SLC6A16: variants seen among roughly 807,000 people sequenced by gnomAD.
SLC6A16 encodes solute carrier family 6 member 16.
Under a neutral mutation model 65.4 loss-of-function variants are expected in SLC6A16, and 54 were observed. The ratio of observed to expected loss-of-function variants is 0.83; its 90% confidence interval spans 0.66 to 1.04. The LOEUF (loss-of-function observed/expected upper bound fraction) is 1.04, where lower values mean the gene tolerates loss of function less well. SLC6A16 is among the 50% of genes least tolerant of loss of function. The probability of loss-of-function intolerance (pLI) is 0.00; values close to 1 mark genes in which losing one functional copy is unlikely to be tolerated. For synonymous variants in SLC6A16, 330 were observed against 346.5 expected (o/e 0.95, Z 0.53); for missense variants, 816 against 914.0 (o/e 0.89, Z 1.38).
At chr19:49,323,658 G>C (rs1970752180) in intron 1 of SLC6A16, among the ~76,000 whole-genome samples, 1 of 152,156 alleles carries the variant, frequency 6.6e-6, no homozygotes, top group Non-Finnish European at 1.5e-5. Context: ...AAACTACAAT[G>C]AGATAATACC....
intron 7 of SLC6A16, among the ~76,000 whole-genome samples, chr19:49,298,958 G>A (rs1323087211): frequency 6.6e-6 from 1 of 152,204 alleles, no homozygotes; most frequent in Non-Finnish European, 1.5e-5. Context: ...CATAGGAATA[G>A]AAAACCTGCC....
chr19:49,320,218 G>A (rs1238619927), intron 1 of SLC6A16, among the ~76,000 whole-genome samples: 1 of 152,096 alleles, frequency 6.6e-6, no homozygotes, highest in Non-Finnish European at 1.5e-5. Context: ...AGACCAGCTT[G>A]ACCTACATAG....
At chr19:49,296,551 T>C (rs186995587) in intron 7 of SLC6A16, among the ~76,000 whole-genome samples, 1 of 152,318 alleles carries the variant, frequency 6.6e-6, no homozygotes, top group Admixed American at 6.5e-5. Context: ...AGGATAGTCT[T>C]ATTAACAAAT....
chr19:49,297,134 C>T (rs909625246), intron 7 of SLC6A16, among the ~76,000 whole-genome samples: 20 of 151,862 alleles, frequency 1.3e-4, no homozygotes, highest in African/African-American at 4.8e-4. Flanking sequence ...AAAGACAAAC[C>T]CCAGAATGAG....
At position 49,290,102 on chromosome 19, in the gene SLC6A16, T is replaced by C. The variant is rs369100442; in HGVS notation, c.*21A>G. The C allele has an allele frequency of 5.6e-6, 9 of 1,610,044 alleles. No individual in the cohort carries two copies. The highest frequency in any genetic ancestry group is 2.2e-5 in the East Asian group (1 of 44,868). On this transcript the variant is annotated 3_prime_UTR_variant, in exon 12 of 12. Transcript: ENST00000335875. ...TGGATCTGTTCTAAGGGATATGTTA[T>C]GTGAAGCCAAATTAATGAAGTTAGG...
intron 1 of SLC6A16, among the ~76,000 whole-genome samples, chr19:49,322,872 G>GAA (rs1421016525): frequency 2.3e-5 from 2 of 88,220 alleles, no homozygotes; most frequent in Non-Finnish European, 4.0e-5. Context: ...TGCAGAAATA[G>GAA]AAAAACACGT....
At position 49,310,054 on chromosome 19, in the gene SLC6A16, TTCA is replaced by T. The variant is rs761978054; in HGVS notation, c.683_685del (p.Met228del). The T allele has an allele frequency of 6.2e-7, 1 of 1,613,920 alleles. No homozygotes were observed. Among genetic ancestry groups the T allele is most frequent in the Admixed American group, 1.7e-5 (1 of 59,986 alleles). On this transcript the variant is annotated inframe_deletion, in exon 4 of 12. Transcript: ENST00000335875. ...TTCCTCCTCACCAAAGCCACTAGAG[TTCA>T]TCGTTAAGGGACATTTCTCCCATGG...
the SLC6A16 span, among the ~76,000 whole-genome samples, chr19:49,334,702 C>T: frequency 6.6e-6 from 1 of 150,536 alleles, no homozygotes; most frequent in South Asian, 2.1e-4. Context: ...TACAACACTC[C>T]CACTCCATAG....
intron 9 of SLC6A16, among the ~76,000 whole-genome samples, 155 bp downstream of exon 9, chr19:49,293,672 G>A (rs1970125099): frequency 6.6e-6 from 1 of 152,136 alleles, no homozygotes; most frequent in Non-Finnish European, 1.5e-5. Context: ...GCTGAGGTGG[G>A]AGGATCACTT....
At chr19:49,319,496 CAT>C (rs1491481313) in intron 1 of SLC6A16, among the ~76,000 whole-genome samples, 4 of 150,048 alleles carry the variant, frequency 2.7e-5, no homozygotes, top group East Asian at 3.9e-4. Context: ...TATACTTATA[CAT>C]ATATGTGTAT....
rs1172072301 is a variant in SLC6A16 at position 49,292,850 on chromosome 19, A to G, written c.1778+373T>C. ...GTCGTATGTGACTTGGTGCCCACAC[A>G]CACTCCCACTATGTGCCATCTGACC... is the stretch of plus-strand genomic sequence containing the variant. On this transcript the variant is annotated intron_variant, in intron 10 of 11. Coordinates refer to ENST00000335875, the MANE Select transcript of SLC6A16 (RefSeq NM_014037.3). This position sits in a 1 kb window ranked among gnomAD's most constrained non-coding sequence, Gnocchi z 4.3. Among the ~76,000 whole-genome samples the G allele has an allele frequency of 6.6e-6, 1 of 152,148 alleles. No homozygotes were observed. The highest frequency in any genetic ancestry group is 1.5e-5 in the Non-Finnish European group (1 of 68,032).
At chr19:49,325,933 G>A (rs1600659397), upstream of SLC6A16, among the ~76,000 whole-genome samples, 1 of 152,198 alleles carries the variant, frequency 6.6e-6, no homozygotes, top group African/African-American at 2.4e-5. Context: ...GGAGGCCAAG[G>A]CGGGTGGATC....
Position 49,292,290 on chromosome 19 carries a change from C to T in SLC6A16, c.1778+933G>A, listed in dbSNP as rs1970092913. 6.6e-6 allele frequency among the ~76,000 whole-genome samples: 1 copy of T among 152,050 alleles called. No individual in the cohort carries two copies. Among genetic ancestry groups the T allele is most frequent in the Non-Finnish European group, 1.5e-5 (1 of 67,998 alleles). Reference sequence around the variant, plus strand: ...GCTGAGGGAGGAGAATTGCTTGAACCCGGGAGGCGGAGGTTGCAGTGAGCT... The same window carrying T: ...GCTGAGGGAGGAGAATTGCTTGAACTCGGGAGGCGGAGGTTGCAGTGAGCT... On this transcript the variant is annotated intron_variant, in intron 10 of 11. Coordinates refer to ENST00000335875, the MANE Select transcript of SLC6A16 (RefSeq NM_014037.3). The surrounding 1 kb of genome is among the most constrained non-coding windows in gnomAD (Gnocchi z 4.3).
chr19:49,317,663 G>A (rs1001370323), intron 1 of SLC6A16, among the ~76,000 whole-genome samples: 4 of 151,564 alleles, frequency 2.6e-5, no homozygotes, highest in East Asian at 3.9e-4. Context: ...AAAATTAGCC[G>A]GGCATGGTGG....
At chr19:49,327,168 G>T (rs976568997), upstream of SLC6A16, among the ~76,000 whole-genome samples, 3 of 151,966 alleles carry the variant, frequency 2.0e-5, no homozygotes, top group African/African-American at 7.3e-5. Flanking sequence ...CTGCCTCCCG[G>T]GTTCAAGCAA....
In SLC6A16 at chr19:49,309,636, A is replaced by G. The variant is rs749046367; in HGVS notation, c.876+15T>C. ...GCATCTGAGAATTTCAAGGAATCCA[A>G]TACTGGTGGCTCACCTTCCCAGTGG... On this transcript the variant is annotated intron_variant, in intron 5 of 11. Transcript: ENST00000335875. The G allele has an allele frequency of 6.8e-6, 11 of 1,608,852 alleles. No individual in the cohort carries two copies. Among genetic ancestry groups the G allele is most frequent in the Non-Finnish European group, 8.5e-6 (10 of 1,175,442 alleles).
At chr19:49,337,027 G>T in the SLC6A16 span, 1 of 1,613,328 alleles carries the variant, frequency 6.2e-7, no homozygotes, top group Non-Finnish European at 8.5e-7. Flanking sequence ...GCTGCCTCCT[G>T]GGCCTGGTGA....
chr19:49,336,523 A>C, the SLC6A16 span: 64 of 183,996 alleles, frequency 3.5e-4, no homozygotes, highest in Admixed American at 2.2e-3. Flanking sequence ...ACATCACTGC[A>C]CTCCAGCCTG....
chr19:49,328,682 G>A (rs1970821006), upstream of SLC6A16, among the ~76,000 whole-genome samples: 1 of 152,198 alleles, frequency 6.6e-6, no homozygotes. Context: ...GAAAGATAAA[G>A]TCTATTTCCC....
Sources: allele counts gnomAD v4.1 joint callset (sites outside exome capture counted in the v4.1 genomes callset), GRCh38; gene constraint gnomAD v4.1.1; non-coding constraint Gnocchi (gnomAD v3.1); transcripts MANE v1.5; gene names NCBI Gene and HGNC (gene_info 2026-07-23, HGNC 2026-07-21).